Variants in CTXND1 observed in about 807,000 individuals in gnomAD.
The protein encoded by CTXND1 is cortexin domain containing 1.
At chr15:80,233,927 CATAAGCA>C (rs1161965189) in intron 1 of CTXND1, among the ~76,000 whole-genome samples, 5 of 152,186 alleles carry the variant, frequency 3.3e-5, no homozygotes, top group Non-Finnish European at 7.3e-5. Flanking sequence ...CCATAGGTTC[CATAAGCA>C]TGCAGGAATG....
rs374537641 is a variant in CTXND1 at position 80,199,985 on chromosome 15, A to G, written c.*1785T>C. The G allele has an allele frequency of 1.3e-5, 2 of 152,380 alleles. No homozygotes were observed. The highest frequency in any genetic ancestry group is 1.9e-4 in the East Asian group (1 of 5,180). The allele number at this position is 152,380 out of a possible 1,614,324, so 9.4% of individuals were successfully genotyped here. The stretch of plus-strand genomic sequence containing the variant: ...AGGGGAGCTCAGGTGCTCTCATTTA[A>G]CTTCGTACCATGTTATGGGAAAACT... On this transcript the variant is annotated 3_prime_UTR_variant, in exon 3 of 3. Transcript: ENST00000560778.
At chr15:80,237,525 C>A (rs780202596) in intron 1 of CTXND1, among the ~76,000 whole-genome samples, 44 of 152,002 alleles carry the variant, frequency 2.9e-4, no homozygotes, top group Non-Finnish European at 5.0e-4. Context: ...TATTGATGCT[C>A]TTGTAGGCTC....
chr15:80,248,706 C>A lies in CTXND1; in HGVS notation c.-218+3301G>T, dbSNP rs374963741. 2.0e-5 allele frequency among the ~76,000 whole-genome samples: 3 copies of A among 152,100 alleles called. No homozygotes were observed. In the East Asian group the frequency reaches 5.8e-4, roughly 29 times the overall value. ...GTCTGAGTCAAGAAGCCAGGGTAGC[C>A]GGAGGGAACTGGATGTGATCATAAA... On this transcript the variant is annotated intron_variant, in intron 1 of 2. Transcript: ENST00000560778.
chr15:80,240,972 A>G (rs1039400848), intron 1 of CTXND1, among the ~76,000 whole-genome samples: 15 of 152,210 alleles, frequency 9.9e-5, no homozygotes, highest in Non-Finnish European at 1.6e-4. Flanking sequence ...AGTTCTACAG[A>G]GACAAGCTCT....
intron 1 of CTXND1, among the ~76,000 whole-genome samples, chr15:80,206,341 A>T (rs1049086553): frequency 6.6e-6 from 1 of 152,132 alleles, no homozygotes; most frequent in Non-Finnish European, 1.5e-5. Flanking sequence ...ACTCAGAGTA[A>T]TTTTCATTTA....
chr15:80,236,974 A>G (rs1339452054), intron 1 of CTXND1, among the ~76,000 whole-genome samples: 2 of 151,962 alleles, frequency 1.3e-5, no homozygotes, highest in Non-Finnish European at 2.9e-5. Flanking sequence ...CATATACAAA[A>G]ATTTTACTGG....
At chr15:80,231,995 C>G (rs536334801) in intron 1 of CTXND1, among the ~76,000 whole-genome samples, 5 of 152,094 alleles carry the variant, frequency 3.3e-5, no homozygotes, top group Non-Finnish European at 7.4e-5. Context: ...AGTTGGATGG[C>G]GTGGAGCTTC....
At chr15:80,209,840 G>A (rs557448460) in intron 1 of CTXND1, among the ~76,000 whole-genome samples, 35 of 152,258 alleles carry the variant, frequency 2.3e-4, no homozygotes, top group African/African-American at 6.7e-4. Context: ...ATCTCACCCC[G>A]TTCTCTGTTT....
chr15:80,232,882 G>C (rs1017619830), intron 1 of CTXND1, among the ~76,000 whole-genome samples: 8 of 151,874 alleles, frequency 5.3e-5, no homozygotes, highest in African/African-American at 1.9e-4. Flanking sequence ...TAATGTCCAG[G>C]CTCAGGTTCT....
At chr15:80,239,324 C>T (rs3974513) in intron 1 of CTXND1, among the ~76,000 whole-genome samples, 27,692 of 152,158 alleles carry the variant, frequency 0.18, 3,028 homozygotes, top group East Asian at 0.3. Flanking sequence ...ATGGTTAATA[C>T]TGAGTGTCAA....
At chr15:80,240,259 C>T (rs60050296) in intron 1 of CTXND1, among the ~76,000 whole-genome samples, 4,708 of 152,272 alleles carry the variant, frequency 0.031, 328 homozygotes, top group East Asian at 0.27. Flanking sequence ...GCCACCACAC[C>T]CCACCTATAT....
At chr15:80,208,305 TA>T (rs1893171550) in intron 1 of CTXND1, among the ~76,000 whole-genome samples, 1 of 152,180 alleles carries the variant, frequency 6.6e-6, no homozygotes, top group African/African-American at 2.4e-5. Context: ...GAAATTTTGT[TA>T]AGTGAAAAAG....
At chr15:80,215,671 T>C (rs1366603449) in intron 1 of CTXND1, among the ~76,000 whole-genome samples, 1 of 152,186 alleles carries the variant, frequency 6.6e-6, no homozygotes, top group Non-Finnish European at 1.5e-5. Context: ...GGGCATTATC[T>C]GGCCTCCAGG....
At chr15:80,236,113 C>A (rs2028120) in intron 1 of CTXND1, among the ~76,000 whole-genome samples, 1 of 150,036 alleles carries the variant, frequency 6.7e-6, no homozygotes. Context: ...CAGCCTTTTG[C>A]GAAACATCCT....
At chr15:80,241,761 T>C (rs528428542) in intron 1 of CTXND1, among the ~76,000 whole-genome samples, 36 of 152,310 alleles carry the variant, frequency 2.4e-4, no homozygotes, top group African/African-American at 8.4e-4. Flanking sequence ...GGGAAACAGC[T>C]GCTCGTTGGC....
At chr15:80,213,250 C>G (rs1333646254) in intron 1 of CTXND1, among the ~76,000 whole-genome samples, 1 of 152,018 alleles carries the variant, frequency 6.6e-6, no homozygotes, top group Non-Finnish European at 1.5e-5. Flanking sequence ...TGGGTTGAGG[C>G]TTTGGAGTAA....
At chr15:80,229,230 G>A (rs1447703913) in intron 1 of CTXND1, among the ~76,000 whole-genome samples, 4 of 152,106 alleles carry the variant, frequency 2.6e-5, no homozygotes, top group Non-Finnish European at 4.4e-5. Flanking sequence ...CACCCTGACT[G>A]GGGCTGGAAG....
chr15:80,218,390 T>C (rs936061777), intron 1 of CTXND1, among the ~76,000 whole-genome samples: 49 of 152,138 alleles, frequency 3.2e-4, no homozygotes, highest in Admixed American at 2.9e-3. Flanking sequence ...TCTTCCCACC[T>C]GGCCTCCTAA....
chr15:80,234,935 G>A (rs1006338126), intron 1 of CTXND1, among the ~76,000 whole-genome samples: 1 of 152,204 alleles, frequency 6.6e-6, no homozygotes, highest in Non-Finnish European at 1.5e-5. Flanking sequence ...CTTCAATGAA[G>A]CAGTGACAGC....
Sources: gnomAD v4.1 joint callset for allele counts (sites outside exome capture counted in the v4.1 genomes callset) on GRCh38, gnomAD v4.1.1 for gene constraint, MANE v1.5 for transcripts, NCBI Gene and HGNC (gene_info 2026-07-23, HGNC 2026-07-21) for gene names.